Variants in MYL9 observed in about 807,000 individuals in gnomAD.
MYL9 encodes the protein myosin light chain 9, also known as myosin regulatory light polypeptide 9.
MYL9 carries 7 observed loss-of-function variants against 12.8 expected under a neutral mutation model. That is an observed-to-expected ratio of 0.55 (90% CI 0.31 to 1.03). MYL9 has a LOEUF of 1.03. MYL9 is among the 50% of genes least tolerant of loss of function. The pLI is 0.05. For synonymous variants in MYL9, 81 were observed against 87.8 expected, an observed-to-expected ratio of 0.92 and a Z score of 0.43; for missense variants, 190 against 242.7, an observed-to-expected ratio of 0.78 and a Z score of 1.44.
chr20:36,546,056 T>C (rs7274366), intron 2 of MYL9, among the ~76,000 whole-genome samples: 7,095 of 152,274 alleles, frequency 0.047, 562 homozygotes, highest in African/African-American at 0.16. Flanking sequence ...GTCACCCATC[T>C]CAGGCTCTCA....
At chr20:36,543,353 CAG>C (rs1040758006) in intron 1 of MYL9, among the ~76,000 whole-genome samples, 2 of 152,174 alleles carry the variant, frequency 1.3e-5, no homozygotes, top group African/African-American at 4.8e-5. Flanking sequence ...ATGACTTCAA[CAG>C]AGTCATGGGA....
At position 36,545,123 on chromosome 20, in the gene MYL9, A is replaced by G. The variant is rs7270524; in HGVS notation, c.184+55A>G. 10,649 of 1,583,274 alleles carry G rather than the reference A, an allele frequency of 6.7e-3. 638 individuals carry two copies. The African/African-American group carries it at 0.13, about 19-fold the overall frequency. On this transcript the variant is annotated intron_variant, in intron 2 of 3. Transcript: ENST00000279022. ...GGATGAGGCCAGGCAGGCTCTGCCA[A>G]TCATTTACAGGGCACCTCCTGTGTA... is the stretch of plus-strand genomic sequence containing the variant.
At chr20:36,545,236 G>T (rs1436400200) in intron 2 of MYL9, among the ~76,000 whole-genome samples, 168 bp downstream of exon 2, 1 of 152,174 alleles carries the variant, frequency 6.6e-6, no homozygotes, top group Non-Finnish European at 1.5e-5. Flanking sequence ...GGTGGCTCAC[G>T]CCTGTAATCC....
At position 36,549,467 on chromosome 20, in the gene MYL9, C is replaced by A; in HGVS notation, c.*218C>A. The A allele has an allele frequency of 1.9e-6, 1 of 516,858 alleles. No homozygotes were observed. The highest frequency in any genetic ancestry group is 3.2e-5 in the East Asian group (1 of 31,142). The allele number at this position is 516,858 out of a possible 1,614,324, so 32.0% of individuals were successfully genotyped here. A position where few individuals can be genotyped will look rare whatever the true frequency, so the allele number is the denominator to read the frequency against. ...CAGAGCCCTGGGCTATAGTCTCTGA[C>A]CCCTCCAAGGAAAGACCACCTTCTG... is the stretch of plus-strand genomic sequence containing the variant. On this transcript the variant is annotated 3_prime_UTR_variant, in exon 4 of 4. Transcript: ENST00000279022.
In MYL9 at chr20:36,548,895, C is replaced by A. The variant is rs1009756826; in HGVS notation, c.347-182C>A. 1.3e-4 allele frequency among the ~76,000 whole-genome samples: 20 copies of A among 152,284 alleles called. 1 individual carries two copies. Among genetic ancestry groups the A allele is most frequent in the African/African-American group, 4.8e-4 (20 of 41,552 alleles). ...ACCCCTTCACGTGGGATCCGACACCCCTTCACGTGCACCCCCACACCCCTC... is the reference window on the plus strand; with the variant it reads ...ACCCCTTCACGTGGGATCCGACACCACTTCACGTGCACCCCCACACCCCTC... On this transcript the variant is annotated intron_variant, in intron 3 of 3. Coordinates refer to ENST00000279022, the MANE Select transcript of MYL9 (RefSeq NM_006097.5).
chr20:36,548,981 T>C, intron 3 of MYL9, 96 bp from the exon 4 acceptor site: 1 of 1,253,296 alleles, frequency 8.0e-7, no homozygotes, highest in Non-Finnish European at 1.1e-6. Context: ...CCAGCCCCTC[T>C]AGGTCTGCAA....
chr20:36,545,166 C>T, intron 2 of MYL9, 98 bp downstream of exon 2: 1 of 1,353,792 alleles, frequency 7.4e-7, no homozygotes, highest in Non-Finnish European at 1.0e-6. Flanking sequence ...GCGTGGTGTC[C>T]ACCTTAGAGA....
chr20:36,547,976 C>T, intron 2 of MYL9, 56 bp from the exon 3 acceptor site: 1 of 1,527,976 alleles, frequency 6.5e-7, no homozygotes, highest in Non-Finnish European at 8.8e-7. Context: ...TGCAAGTTGT[C>T]CCAGCTGGGG....
chr20:36,542,498 A>C (rs1048559231), intron 1 of MYL9, among the ~76,000 whole-genome samples: 1 of 152,174 alleles, frequency 6.6e-6, no homozygotes, highest in African/African-American at 2.4e-5. Context: ...CCTCAGAACT[A>C]AAGGCCCCAC....
chr20:36,547,358 G>A lies in MYL9; in HGVS notation c.185-674G>A, dbSNP rs550950211. Among the ~76,000 whole-genome samples the A allele has an allele frequency of 4.6e-5, 7 of 152,352 alleles. No homozygotes were observed. The South Asian group carries it at 8.3e-4, about 18-fold the overall frequency. ...GGAAACTGAGGCTCAGAGAGGTTAA[G>A]TAATTTACCCAAGGTCACACAGCTA... On this transcript the variant is annotated intron_variant, in intron 2 of 3. Transcript: ENST00000279022.
chr20:36,542,659 C>T (rs1255300316), intron 1 of MYL9, among the ~76,000 whole-genome samples: 1 of 152,160 alleles, frequency 6.6e-6, no homozygotes, highest in Non-Finnish European at 1.5e-5. Flanking sequence ...GTTTGCTCTC[C>T]ACTGACCCAA....
At chr20:36,548,792 G>C (rs1458709756) in intron 3 of MYL9, among the ~76,000 whole-genome samples, 2 of 152,118 alleles carry the variant, frequency 1.3e-5, no homozygotes, top group African/African-American at 2.4e-5. Context: ...AACACCATCT[G>C]TGTGCACAGC....
chr20:36,542,542 G>C (rs2038049858), intron 1 of MYL9, among the ~76,000 whole-genome samples: 1 of 152,146 alleles, frequency 6.6e-6, no homozygotes, highest in African/African-American at 2.4e-5. Context: ...ACCAGTTCTA[G>C]AAGGCGCCTC....
At chr20:36,545,462 A>G (rs546203399) in intron 2 of MYL9, among the ~76,000 whole-genome samples, 2 of 146,258 alleles carry the variant, frequency 1.4e-5, no homozygotes, top group South Asian at 4.3e-4. Flanking sequence ...GCCCCACTGC[A>G]CTCCAGCCTG....
At chr20:36,542,331 G>A (rs1182924687) in intron 1 of MYL9, among the ~76,000 whole-genome samples, 1 of 152,178 alleles carries the variant, frequency 6.6e-6, no homozygotes, top group African/African-American at 2.4e-5. Flanking sequence ...GGGGCTGGAG[G>A]TCATGGGGGC....
At position 36,544,736 on chromosome 20, in the gene MYL9, G is replaced by A. The variant is rs2038074452; in HGVS notation, c.-26-123G>A. The A allele has an allele frequency of 4.2e-6, 3 of 711,132 alleles. No homozygotes were observed. The South Asian group carries it at 5.9e-5, about 14-fold the overall frequency. 44.1% of individuals were successfully genotyped at this position (711,132 alleles called of 1,614,324 possible). ...GCTTTTGTGAAGAACTGGGTGGTGGGAGCCCCAAATCCGTGGGCAGCCTTG... is the reference window on the plus strand; with the variant it reads ...GCTTTTGTGAAGAACTGGGTGGTGGAAGCCCCAAATCCGTGGGCAGCCTTG... On this transcript the variant is annotated intron_variant, in intron 1 of 3. Coordinates refer to ENST00000279022, the MANE Select transcript of MYL9 (RefSeq NM_006097.5).
chr20:36,544,630 C>T (rs1371627890), intron 1 of MYL9, among the ~76,000 whole-genome samples: 1 of 152,232 alleles, frequency 6.6e-6, no homozygotes, highest in Non-Finnish European at 1.5e-5. Flanking sequence ...GGGCACTCCT[C>T]ATGTCTCCAG....
intron 1 of MYL9, 112 bp from the exon 2 acceptor site, chr20:36,544,747 C>A: frequency 1.2e-6 from 1 of 837,432 alleles, no homozygotes; most frequent in Non-Finnish European, 1.8e-6. Flanking sequence ...AGCCCCAAAT[C>A]CGTGGGCAGC....
chr20:36,545,523 T>A (rs1351521844), intron 2 of MYL9, among the ~76,000 whole-genome samples: 4 of 144,678 alleles, frequency 2.8e-5, no homozygotes, highest in African/African-American at 1.0e-4. Flanking sequence ...ACAGGGAAAC[T>A]GAAGCACAAA....
Sources: allele counts gnomAD v4.1 joint callset (sites outside exome capture counted in the v4.1 genomes callset), GRCh38; gene constraint gnomAD v4.1.1; transcripts MANE v1.5; gene names NCBI Gene and HGNC (gene_info 2026-07-23, HGNC 2026-07-21).